CELF4: variants seen among roughly 807,000 people sequenced by gnomAD.
CELF4 encodes the protein CUGBP Elav-like family member 4, also known as CUG-BP- and ETR-3-like factor 4.
In CELF4, 18 loss-of-function variants were observed where a neutral mutation model predicts 59.9. The ratio of observed to expected loss-of-function variants is 0.30; its 90% CI spans 0.21 to 0.45. The LOEUF is 0.45. CELF4 is among the 20% of genes least tolerant of loss of function. The pLI is 1.00. For missense variants in CELF4, 456 were observed against 689.0 expected (o/e 0.66, Z 3.79); for synonymous variants, 261 against 267.1 (o/e 0.98, Z 0.22).
intron 1 of CELF4, among the ~76,000 whole-genome samples, chr18:37,515,369 C>T (rs963714211): frequency 6.6e-6 from 1 of 152,218 alleles, no homozygotes; most frequent in Admixed American, 6.5e-5. Flanking sequence ...GAGCTTCTCC[C>T]CAGCCTGGCT....
chr18:37,299,986 C>T (rs936039387), intron 3 of CELF4, among the ~76,000 whole-genome samples: 2 of 152,168 alleles, frequency 1.3e-5, no homozygotes, highest in African/African-American at 4.8e-5. Flanking sequence ...TGGATCATTG[C>T]AAGCTTCCCC....
chr18:37,442,474 A>G (rs2099734976), intron 2 of CELF4, among the ~76,000 whole-genome samples: 1 of 152,180 alleles, frequency 6.6e-6, no homozygotes, highest in African/African-American at 2.4e-5. Context: ...GGGCCAAGAT[A>G]CCCTCTAGAA....
intron 8 of CELF4, among the ~76,000 whole-genome samples, chr18:37,267,330 T>A (rs1310955465): frequency 6.6e-6 from 1 of 152,234 alleles, no homozygotes; most frequent in African/African-American, 2.4e-5. Context: ...ACAGATACTT[T>A]GGCAAGAAAC....
rs1042573911 is a variant in CELF4 at position 37,260,942 on chromosome 18, G to T, written c.1250-1678C>A. ...CATGCTCCCTCACCCCCTTCCAGGG[G>T]TTCCTGGTGCTGGATACCCCCGAGC... On this transcript the variant is annotated intron_variant, in intron 10 of 12. Transcript: ENST00000420428. Among the ~76,000 whole-genome samples, 26 of 152,178 alleles carry T rather than the reference G, an allele frequency of 1.7e-4. 1 individual carries two copies. Among genetic ancestry groups the T allele is most frequent in the Admixed American group, 1.5e-3 (23 of 15,292 alleles).
chr18:37,453,822 G>A (rs1422857449), intron 2 of CELF4, among the ~76,000 whole-genome samples: 1 of 152,196 alleles, frequency 6.6e-6, no homozygotes. Flanking sequence ...ATGAGCCTCT[G>A]TACCACCCTG....
intron 2 of CELF4, among the ~76,000 whole-genome samples, chr18:37,448,680 T>C (rs2099754848): frequency 6.6e-6 from 1 of 152,236 alleles, no homozygotes; most frequent in East Asian, 1.9e-4. Flanking sequence ...CTGCCAGGAA[T>C]AGATGTGGCC....
intron 8 of CELF4, among the ~76,000 whole-genome samples, chr18:37,268,712 G>A (rs2078921188): frequency 6.6e-6 from 1 of 152,180 alleles, no homozygotes; most frequent in South Asian, 2.1e-4. Flanking sequence ...ACCTGGGGCA[G>A]GGAAACAGAA....
At chr18:37,255,538 C>T (rs554395519) in intron 11 of CELF4, among the ~76,000 whole-genome samples, 8 of 151,234 alleles carry the variant, frequency 5.3e-5, no homozygotes, top group African/African-American at 1.7e-4. Flanking sequence ...ATACGAGATT[C>T]GCCTCCAGCC....
intron 1 of CELF4, among the ~76,000 whole-genome samples, chr18:37,502,333 C>T (rs999748612): frequency 1.3e-5 from 2 of 151,920 alleles, no homozygotes; most frequent in Non-Finnish European, 2.9e-5. Context: ...AACCGACAGC[C>T]GCAAATAAAC....
At chr18:37,255,144 G>A (rs1037118740) in intron 11 of CELF4, among the ~76,000 whole-genome samples, 1 of 152,156 alleles carries the variant, frequency 6.6e-6, no homozygotes, top group Non-Finnish European at 1.5e-5. Flanking sequence ...ATACTGAGGC[G>A]TTCCCATGAA....
intron 2 of CELF4, among the ~76,000 whole-genome samples, chr18:37,348,939 C>A (rs1460657091): frequency 6.6e-6 from 1 of 152,158 alleles, no homozygotes; most frequent in African/African-American, 2.4e-5. Flanking sequence ...CTCTCTCATG[C>A]CTCCAGGGGG....
At chr18:37,463,938 T>A (rs2154602265) in intron 2 of CELF4, among the ~76,000 whole-genome samples, 1 of 152,150 alleles carries the variant, frequency 6.6e-6, no homozygotes, top group South Asian at 2.1e-4. Flanking sequence ...TGGTTTATGG[T>A]AATGGCGCCC....
chr18:37,549,003 C>A (rs373741249), intron 1 of CELF4, among the ~76,000 whole-genome samples: 44 of 152,324 alleles, frequency 2.9e-4, no homozygotes, highest in African/African-American at 1.0e-3. Flanking sequence ...GTCCACCGAA[C>A]AGATGCGTGG....
At chr18:37,513,892 A>T (rs1035503292) in intron 1 of CELF4, among the ~76,000 whole-genome samples, 1 of 150,784 alleles carries the variant, frequency 6.6e-6, no homozygotes, top group Non-Finnish European at 1.5e-5. Flanking sequence ...TTGTCCTCTG[A>T]TGGGTCCATG....
chr18:37,551,898 C>A (rs2099983319), intron 1 of CELF4, among the ~76,000 whole-genome samples: 1 of 151,482 alleles, frequency 6.6e-6, no homozygotes, highest in Non-Finnish European at 1.5e-5. Context: ...CAAATTTATT[C>A]AAAATGAGAA....
intron 2 of CELF4, among the ~76,000 whole-genome samples, chr18:37,472,562 A>G (rs1295453717): frequency 2.0e-5 from 3 of 152,266 alleles, no homozygotes; most frequent in Non-Finnish European, 4.4e-5. Context: ...GCTTCATGCT[A>G]TCCATAAACT....
chr18:37,366,547 G>C (rs903225901), intron 2 of CELF4, among the ~76,000 whole-genome samples: 1 of 152,188 alleles, frequency 6.6e-6, no homozygotes, highest in Non-Finnish European at 1.5e-5. Flanking sequence ...CTCCGGTTTG[G>C]GGCCCTTGTC....
At chr18:37,414,191 CATCTATCTATCTATCTATCT>C (rs59869024) in intron 2 of CELF4, among the ~76,000 whole-genome samples, 21,107 of 148,142 alleles carry the variant, frequency 0.14, 1,760 homozygotes, top group Middle Eastern at 0.26. Context: ...TCCATTCATT[CATCTATCTATCTATCTATCT>C]ATCTATCTAT....
intron 2 of CELF4, among the ~76,000 whole-genome samples, chr18:37,391,936 T>C (rs774276995): frequency 2.6e-5 from 4 of 152,174 alleles, no homozygotes; most frequent in Admixed American, 6.5e-5. Context: ...TACCCCACCC[T>C]GAAAGCCTGG....
Sources: allele counts gnomAD v4.1 joint callset (sites outside exome capture counted in the v4.1 genomes callset), GRCh38; gene constraint gnomAD v4.1.1; transcripts MANE v1.5; gene names NCBI Gene and HGNC (gene_info 2026-07-23, HGNC 2026-07-21).